Variants in ALDOB observed in about 807,000 individuals in gnomAD.
ALDOB encodes the protein aldolase, fructose-bisphosphate B.
In ALDOB, 39 loss-of-function variants were observed where a neutral mutation model predicts 41.0. The observed-to-expected ratio is 0.95, with a 90% CI of 0.74 to 1.24. ALDOB has a LOEUF of 1.24. ALDOB is among the 50% of genes most tolerant of loss of function. ALDOB has a pLI of 0.00. For missense variants in ALDOB, 530 were observed against 457.3 expected (o/e 1.16, Z -1.45); for synonymous variants, 175 against 168.8 (o/e 1.04, Z -0.28).
Position 101,434,985 on chromosome 9 carries a change from T to A in ALDOB, c.-11+724A>T, listed in dbSNP as rs532585390. 3.2e-4 allele frequency among the ~76,000 whole-genome samples: 49 copies of A among 152,348 alleles called. 4 individuals carry two copies. Among genetic ancestry groups the A allele is most frequent in the African/African-American group, 1.1e-3 (45 of 41,572 alleles). On this transcript the variant is annotated intron_variant, in intron 1 of 8. Coordinates refer to ENST00000647789, the MANE Select transcript of ALDOB (RefSeq NM_000035.4). ...GGCAACATATTCTCACAATGCCTAT[T>A]TTTCAGATAGTAGAGCAAATGTATC... is the stretch of plus-strand genomic sequence containing the variant.
At chr9:101,427,790 CA>C in intron 4 of ALDOB, 148 bp from the exon 5 acceptor site, 1 of 906,868 alleles carries the variant, frequency 1.1e-6, no homozygotes, top group Non-Finnish European at 1.8e-6. Flanking sequence ...CAGCATTAAT[CA>C]CAACACTGAA....
Position 101,430,782 on chromosome 9 carries a change from A to T in ALDOB, c.106T>A (p.Ser36Thr), listed in dbSNP as rs1370456880. 6.2e-7 allele frequency: 1 copy of T among 1,611,956 alleles called. No homozygotes were observed. ...NGKGILAADE[S>T]VGTMGNRLQR... ...GACTGCTTTTTACACTCACCTACAG[A>T]TTCATCTGCAGCCAGGATCCCCTTT... Residue 36 changes from serine to threonine, a missense_variant, in exon 2 of 9, where the codon TCT (serine) becomes ACT (threonine). Coordinates refer to ENST00000647789, the MANE Select transcript of ALDOB (RefSeq NM_000035.4).
chr9:101,434,010 G>A (rs949536848), intron 1 of ALDOB, among the ~76,000 whole-genome samples: 11 of 151,832 alleles, frequency 7.2e-5, no homozygotes, highest in Admixed American at 2.6e-4. Flanking sequence ...GAGTTCACGC[G>A]ATCCTCCCAC....
At chr9:101,429,011 A>G (rs1268785877) in intron 3 of ALDOB, among the ~76,000 whole-genome samples, 1 of 152,250 alleles carries the variant, frequency 6.6e-6, no homozygotes, top group Non-Finnish European at 1.5e-5. Flanking sequence ...ACTAGTTTTC[A>G]CTTTTGAGAA....
intron 1 of ALDOB, 50 bp from the exon 2 acceptor site, chr9:101,430,947 TG>T: frequency 7.7e-7 from 1 of 1,301,050 alleles, no homozygotes; most frequent in Non-Finnish European, 1.1e-6. Context: ...GTGGCTCAGA[TG>T]GATGCATGAC....
chr9:101,423,518 G>A (rs990174131), intron 8 of ALDOB, among the ~76,000 whole-genome samples: 3 of 152,112 alleles, frequency 2.0e-5, no homozygotes, highest in African/African-American at 4.8e-5. Flanking sequence ...TACGCTTTCC[G>A]ACTGTCAGTA....
At chr9:101,425,876 T>A (rs1373342152) in intron 6 of ALDOB, among the ~76,000 whole-genome samples, 1 of 152,222 alleles carries the variant, frequency 6.6e-6, no homozygotes, top group Non-Finnish European at 1.5e-5. Flanking sequence ...ATGACAGGCA[T>A]GGCTCTGCTT....
chr9:101,424,909 C>G lies in ALDOB; in HGVS notation c.933G>C (p.Leu311=). ...SYGRALQASA[L]AAWGGKAANK... ...TTGCAGCCTTGCCACCCCAGGCAGC[C>G]AGTGCACTGGCCTGCAGGGCCCGTC... The change falls in exon 8 of 9, where the codon CTG becomes CTC. Residue 311 remains leucine, a synonymous_variant. Coordinates refer to ENST00000647789, the MANE Select transcript of ALDOB (RefSeq NM_000035.4). 6.2e-7 allele frequency: 1 copy of G among 1,614,150 alleles called. No individual in the cohort carries two copies. The highest frequency in any genetic ancestry group is 8.5e-7 in the Non-Finnish European group (1 of 1,180,044).
At chr9:101,430,064 C>G in intron 2 of ALDOB, 98 bp from the exon 3 acceptor site, 1 of 1,094,990 alleles carries the variant, frequency 9.1e-7, no homozygotes. Flanking sequence ...CAGTGGAAAG[C>G]AAGACTTTCT....
At position 101,425,077 on chromosome 9, in the gene ALDOB, C is replaced by T. The variant is rs756683754; in HGVS notation, c.800-35G>A. On this transcript the variant is annotated intron_variant, in intron 7 of 8. Transcript: ENST00000647789. ...GAGAAGCCATTTCACTCTATTAGTC[C>T]CACCTTATATACCCTGCTTGAGAAA... The T allele has an allele frequency of 5.6e-6, 9 of 1,606,470 alleles. No homozygotes were observed. In the East Asian group the frequency reaches 1.3e-4, roughly 24 times the overall value.
At chr9:101,428,212 A>G (rs1468355495) in intron 4 of ALDOB, among the ~76,000 whole-genome samples, 1 of 152,170 alleles carries the variant, frequency 6.6e-6, no homozygotes, top group African/African-American at 2.4e-5. Flanking sequence ...TAAGCACCTT[A>G]TGTACATTGT....
chr9:101,425,691 C>T (rs1831118587), intron 6 of ALDOB, 64 bp from the exon 7 acceptor site: 7 of 1,525,820 alleles, frequency 4.6e-6, no homozygotes, highest in Middle Eastern at 2.0e-4. Context: ...TTGACCTTGG[C>T]ACATTTACAC....
At chr9:101,422,052 T>G in intron 8 of ALDOB, 148 bp from the exon 9 acceptor site, 1 of 718,376 alleles carries the variant, frequency 1.4e-6, no homozygotes, top group Non-Finnish European at 2.5e-6. Flanking sequence ...GGGGATACCA[T>G]CCCCTTCTAT....
intron 1 of ALDOB, among the ~76,000 whole-genome samples, chr9:101,433,842 T>C (rs1012413031): frequency 6.6e-6 from 1 of 152,108 alleles, no homozygotes; most frequent in African/African-American, 2.4e-5. Context: ...CAATCATGAC[T>C]CACTGAAGCC....
In ALDOB at chr9:101,421,400, C is replaced by A; in HGVS notation, c.*409G>T. ...CTGAAGGTTTATAGAATATTTATTTCTTTTTTGGTTGCAGCTATCTCCTTC... is the reference window on the plus strand; with the variant it reads ...CTGAAGGTTTATAGAATATTTATTTATTTTTTGGTTGCAGCTATCTCCTTC... On this transcript the variant is annotated 3_prime_UTR_variant, in exon 9 of 9. Coordinates refer to ENST00000647789, the MANE Select transcript of ALDOB (RefSeq NM_000035.4). 1 of 302,554 alleles carries A rather than the reference C, an allele frequency of 3.3e-6. No individual in the cohort carries two copies. The allele number at this position is 302,554 out of a possible 1,614,324, so 18.7% of individuals were successfully genotyped here.
In ALDOB at chr9:101,428,552, A is replaced by G. The variant is rs78074806; in HGVS notation, c.325-29T>C. 5.0e-4 allele frequency: 795 copies of G among 1,582,232 alleles called. 7 individuals carry two copies. In the African/African-American group the frequency reaches 9.5e-3, roughly 19 times the overall value. On this transcript the variant is annotated intron_variant, in intron 3 of 8. Transcript: ENST00000647789. Reference sequence around the variant, plus strand: ...TGGATACAAATAATTAACAGGTGTCAGATGTCAGGAAAACACAAGCAGAAC... The same window carrying G: ...TGGATACAAATAATTAACAGGTGTCGGATGTCAGGAAAACACAAGCAGAAC...
At chr9:101,423,517 C>T (rs1265505180) in intron 8 of ALDOB, among the ~76,000 whole-genome samples, 6 of 152,164 alleles carry the variant, frequency 3.9e-5, no homozygotes, top group African/African-American at 7.2e-5. Flanking sequence ...CTACGCTTTC[C>T]GACTGTCAGT....
intron 6 of ALDOB, among the ~76,000 whole-genome samples, chr9:101,426,309 A>T (rs919381463): frequency 6.6e-6 from 1 of 152,238 alleles, no homozygotes; most frequent in Non-Finnish European, 1.5e-5. Context: ...GACTTGCCCA[A>T]GATCCCACAA....
rs1588170249 is a variant in ALDOB, at chr9:101,425,150, C to T, written c.800-108G>A. On this transcript the variant is annotated intron_variant, in intron 7 of 8. Transcript: ENST00000647789. Reference sequence around the variant, plus strand: ...AAGTAATGTCTCAGTCTTTTCTCTGCTTAATTTGCCTTAAAGCAAACTGAG... The same window carrying T: ...AAGTAATGTCTCAGTCTTTTCTCTGTTTAATTTGCCTTAAAGCAAACTGAG... 3.1e-6 allele frequency: 4 copies of T among 1,293,284 alleles called. No homozygotes were observed. The East Asian group carries it at 7.2e-5, about 23-fold the overall frequency. The allele number at this position is 1,293,284 out of a possible 1,614,324, so 80.1% of individuals were successfully genotyped here.
Sources: gnomAD v4.1 joint callset for allele counts (sites outside exome capture counted in the v4.1 genomes callset) on GRCh38, gnomAD v4.1.1 for gene constraint, MANE v1.5 for transcripts, NCBI Gene and HGNC (gene_info 2026-07-23, HGNC 2026-07-21) for gene names.